RBPMS: variants seen among roughly 807,000 people sequenced by gnomAD.
The protein encoded by RBPMS is RNA-binding protein with multiple splicing.
A neutral mutation model predicts 26.8 loss-of-function variants in RBPMS; 7 were observed. The observed-to-expected ratio is 0.26, with a 90% confidence interval of 0.15 to 0.49. The LOEUF (loss-of-function observed/expected upper bound fraction) is 0.49. RBPMS is among the 20% of genes least tolerant of loss of function. RBPMS has a pLI of 0.98. For missense variants in RBPMS, 186 were observed against 250.0 expected (o/e 0.74, Z 1.73); for synonymous variants, 96 against 93.3 (o/e 1.03, Z -0.17).
At chr8:30,479,976 A>G (rs1818105738) in intron 4 of RBPMS, among the ~76,000 whole-genome samples, 1 of 152,168 alleles carries the variant, frequency 6.6e-6, no homozygotes, top group Non-Finnish European at 1.5e-5. Context: ...ATGTGTTTTG[A>G]GACTTTTACC....
chr8:30,562,756 G>A (rs914404869), intron 7 of RBPMS, among the ~76,000 whole-genome samples: 1 of 151,852 alleles, frequency 6.6e-6, no homozygotes, highest in African/African-American at 2.4e-5. Flanking sequence ...GGCGGGGAGG[G>A]CTTTCTTCCC....
chr8:30,482,112 C>A (rs1181676500), intron 4 of RBPMS, among the ~76,000 whole-genome samples: 1 of 152,176 alleles, frequency 6.6e-6, no homozygotes, highest in Non-Finnish European at 1.5e-5. Context: ...CAGACCCATT[C>A]AAGGTAATGT....
chr8:30,422,588 A>G (rs904566357), intron 1 of RBPMS, among the ~76,000 whole-genome samples: 4 of 152,162 alleles, frequency 2.6e-5, no homozygotes, highest in Non-Finnish European at 5.9e-5. Context: ...TTTTATATAG[A>G]AATCTGCGCC....
intron 1 of RBPMS, among the ~76,000 whole-genome samples, chr8:30,419,734 A>G (rs1035545221): frequency 4.6e-5 from 7 of 152,106 alleles, no homozygotes; most frequent in African/African-American, 1.4e-4. Flanking sequence ...CCCATCCCCA[A>G]CATATCTCAT....
intron 5 of RBPMS, among the ~76,000 whole-genome samples, chr8:30,528,982 G>A (rs577597682): frequency 2.0e-5 from 3 of 152,084 alleles, no homozygotes; most frequent in East Asian, 3.9e-4. Flanking sequence ...TTTGGGGGCC[G>A]AGGTGGGTGG....
In RBPMS at chr8:30,543,862, T is replaced by A. The variant is rs142956199; in HGVS notation, c.398-632T>A. Among the ~76,000 whole-genome samples the A allele has an allele frequency of 1.4e-4, 21 of 152,346 alleles. 1 individual carries two copies. The East Asian group carries it at 4.0e-3, about 29-fold the overall frequency. On this transcript the variant is annotated intron_variant, in intron 5 of 8. Transcript: ENST00000397323. ...GCAACTGGAAATGTTCCTGTTTACA[T>A]CTTTGTGGAGTGTAATTTTAATCAG...
chr8:30,448,916 A>G (rs1814195443), intron 1 of RBPMS, among the ~76,000 whole-genome samples: 1 of 152,134 alleles, frequency 6.6e-6, no homozygotes, highest in Non-Finnish European at 1.5e-5. Flanking sequence ...GACCATACCC[A>G]TGGGGGGGAA....
At position 30,515,884 on chromosome 8, in the gene RBPMS, A is replaced by G. The variant is rs371098276; in HGVS notation, c.397+11448A>G. The stretch of plus-strand genomic sequence containing the variant: ...GTTGCCCAGGCTGGTCTTGAGCTCA[A>G]GCAATCCTCCCACCTCAGCCTCCCA... On this transcript the variant is annotated intron_variant, in intron 5 of 8. Transcript: ENST00000397323. Among the ~76,000 whole-genome samples the G allele has an allele frequency of 1.1e-4, 16 of 152,226 alleles. No homozygotes were observed. The East Asian group carries it at 3.1e-3, about 29-fold the overall frequency.
chr8:30,481,461 C>T (rs1471921497), intron 4 of RBPMS, among the ~76,000 whole-genome samples: 1 of 152,234 alleles, frequency 6.6e-6, no homozygotes, highest in African/African-American at 2.4e-5. Context: ...ACCCTGTTTG[C>T]CCCTGTGCCA....
At chr8:30,524,796 A>G (rs1823408921) in intron 5 of RBPMS, among the ~76,000 whole-genome samples, 1 of 152,284 alleles carries the variant, frequency 6.6e-6, no homozygotes, top group Middle Eastern at 3.4e-3. Context: ...GTATTTTTCA[A>G]AATAAGCATT....
At chr8:30,523,486 A>G (rs2150991120) in intron 5 of RBPMS, among the ~76,000 whole-genome samples, 1 of 151,738 alleles carries the variant, frequency 6.6e-6, no homozygotes, top group Non-Finnish European at 1.5e-5. Context: ...TGTGTTGAGT[A>G]CTACATAATG....
intron 1 of RBPMS, among the ~76,000 whole-genome samples, chr8:30,470,309 G>A (rs867692006): frequency 1.3e-4 from 19 of 151,924 alleles, no homozygotes; most frequent in Admixed American, 2.6e-4. Context: ...GCTTGAACCC[G>A]GGAGACAGAG....
chr8:30,487,239 T>C (rs1004817403), intron 4 of RBPMS, among the ~76,000 whole-genome samples: 1 of 141,658 alleles, frequency 7.1e-6, no homozygotes, highest in African/African-American at 2.5e-5. Flanking sequence ...TTCTTTGTTC[T>C]CTTTTACTTT....
chr8:30,538,330 C>T (rs1001203864), intron 5 of RBPMS, among the ~76,000 whole-genome samples: 5 of 152,092 alleles, frequency 3.3e-5, no homozygotes, highest in African/African-American at 1.2e-4. Context: ...TCTTGGCACA[C>T]TGCAGCCTCT....
intron 1 of RBPMS, among the ~76,000 whole-genome samples, chr8:30,410,468 A>G (rs1341420849): frequency 6.6e-6 from 1 of 152,080 alleles, no homozygotes; most frequent in South Asian, 2.1e-4. Context: ...TCGGCCTCCC[A>G]AAGTGCCGGG....
intron 5 of RBPMS, among the ~76,000 whole-genome samples, chr8:30,521,047 T>A (rs1379970977): frequency 6.6e-6 from 1 of 152,172 alleles, no homozygotes; most frequent in Non-Finnish European, 1.5e-5. Context: ...GCACGTAAGA[T>A]AAACATAAAA....
At chr8:30,419,746 AT>A (rs983212359) in intron 1 of RBPMS, among the ~76,000 whole-genome samples, 18 of 152,162 alleles carry the variant, frequency 1.2e-4, no homozygotes, top group African/African-American at 4.3e-4. Flanking sequence ...ATATCTCATT[AT>A]TTTTAAAATA....
chr8:30,506,571 CTG>C (rs1251683961), intron 5 of RBPMS, among the ~76,000 whole-genome samples: 1 of 152,110 alleles, frequency 6.6e-6, no homozygotes, highest in East Asian at 1.9e-4. Context: ...ACTAAGAACA[CTG>C]TGTTGGGTCT....
chr8:30,389,152 T>G (rs1446306022), intron 1 of RBPMS, among the ~76,000 whole-genome samples: 1 of 152,206 alleles, frequency 6.6e-6, no homozygotes, highest in East Asian at 1.9e-4. Flanking sequence ...TAACCAAGAT[T>G]GGGGATCTCT....
Sources: gnomAD v4.1 joint callset for allele counts (sites outside exome capture counted in the v4.1 genomes callset) on GRCh38, gnomAD v4.1.1 for gene constraint, MANE v1.5 for transcripts, NCBI Gene and HGNC (gene_info 2026-07-23, HGNC 2026-07-21) for gene names.